The following BTG4 variants were observed in gnomAD, a reference collection of about 807,000 sequenced individuals.
BTG4 encodes protein BTG4.
Under a neutral mutation model 19.3 loss-of-function variants are expected in BTG4, and 10 were observed. That is an observed-to-expected ratio of 0.52 (90% CI 0.32 to 0.88). The LOEUF (loss-of-function observed/expected upper bound fraction) is 0.88, where lower values mean the gene tolerates loss of function less well. BTG4 is among the 40% of genes least tolerant of loss of function. The probability of loss-of-function intolerance (pLI) is 0.04; values close to 1 mark genes in which losing one functional copy is unlikely to be tolerated. For missense variants in BTG4, 238 were observed against 281.9 expected, an observed-to-expected ratio of 0.84 and a Z score of 1.11; for synonymous variants, 91 against 95.7, an observed-to-expected ratio of 0.95 and a Z score of 0.29.
intron 1 of BTG4, among the ~76,000 whole-genome samples, chr11:111,503,222 T>G (rs2135711194): frequency 6.6e-6 from 1 of 152,334 alleles, no homozygotes; most frequent in Non-Finnish European, 1.5e-5. Context: ...ACCAACAGAT[T>G]AATGTTATCA....
downstream of BTG4, among the ~76,000 whole-genome samples, chr11:111,492,300 G>GA (rs1188595534): frequency 6.6e-6 from 1 of 152,276 alleles, no homozygotes. Flanking sequence ...AAAGGTTCTT[G>GA]AAAAATCACT....
At chr11:111,473,527 A>G (rs1864207356) in intron 5 of BTG4, 2 of 152,254 alleles carry the variant, frequency 1.3e-5, no homozygotes, top group Non-Finnish European at 2.9e-5. Flanking sequence ...ACATGTCCAC[A>G]GAATAAAAGG....
chr11:111,432,528 C>T, the BTG4 span, among the ~76,000 whole-genome samples: 2 of 152,094 alleles, frequency 1.3e-5, no homozygotes, highest in Non-Finnish European at 2.9e-5. Flanking sequence ...CCTGTAATCC[C>T]AGCTACTTGG....
intron 5 of BTG4, among the ~76,000 whole-genome samples, chr11:111,479,767 T>A (rs1864619633): frequency 6.6e-6 from 1 of 152,092 alleles, no homozygotes; most frequent in African/African-American, 2.4e-5. Flanking sequence ...TTACTTGAAC[T>A]TATAAAATAA....
intron 5 of BTG4, among the ~76,000 whole-genome samples, chr11:111,478,775 A>G (rs889969747): frequency 6.6e-6 from 1 of 152,128 alleles, no homozygotes; most frequent in Non-Finnish European, 1.5e-5. Context: ...AGGAAAAATC[A>G]TCAATGTTTT....
the BTG4 span, among the ~76,000 whole-genome samples, chr11:111,412,287 C>T: frequency 6.6e-6 from 1 of 152,176 alleles, no homozygotes; most frequent in Non-Finnish European, 1.5e-5. Flanking sequence ...AGGACAAATT[C>T]TATTTCATTT....
the BTG4 span, among the ~76,000 whole-genome samples, chr11:111,398,807 A>G: frequency 6.6e-6 from 1 of 151,578 alleles, no homozygotes; most frequent in Non-Finnish European, 1.5e-5. Flanking sequence ...TTAACATTAT[A>G]GAGTTTGAAT....
chr11:111,506,720 C>G (rs1866478502), intron 1 of BTG4, among the ~76,000 whole-genome samples: 1 of 152,040 alleles, frequency 6.6e-6, no homozygotes, highest in Non-Finnish European at 1.5e-5. Flanking sequence ...TATCAGCACT[C>G]TATACCATTA....
chr11:111,399,958 G>A, the BTG4 span, among the ~76,000 whole-genome samples: 2,039 of 152,252 alleles, frequency 0.013, 37 homozygotes, highest in African/African-American at 0.045. Flanking sequence ...CTGGATAGAG[G>A]CCTTATTCCT....
chr11:111,403,467 C>T, the BTG4 span, among the ~76,000 whole-genome samples: 1 of 152,150 alleles, frequency 6.6e-6, no homozygotes, highest in Non-Finnish European at 1.5e-5. Flanking sequence ...GGGAGAAAAC[C>T]CAGTGAAGCA....
intron 5 of BTG4, among the ~76,000 whole-genome samples, chr11:111,477,239 G>A (rs994534555): frequency 1.3e-5 from 2 of 152,068 alleles, no homozygotes; most frequent in African/African-American, 4.8e-5. Context: ...CAGGGATCAT[G>A]TTCTCCTTAC....
At chr11:111,488,952 C>A (rs933339869) in intron 5 of BTG4, among the ~76,000 whole-genome samples, 2 of 152,036 alleles carry the variant, frequency 1.3e-5, no homozygotes, top group East Asian at 3.8e-4. Context: ...TCAAGACCAG[C>A]TTGACCAACA....
At chr11:111,443,593 A>G in the BTG4 span, among the ~76,000 whole-genome samples, 8 of 152,054 alleles carry the variant, frequency 5.3e-5, no homozygotes, top group East Asian at 1.9e-4. Context: ...AAACAGAGGG[A>G]AAAAAAAGAG....
At chr11:111,435,815 G>A in the BTG4 span, among the ~76,000 whole-genome samples, 5 of 151,984 alleles carry the variant, frequency 3.3e-5, no homozygotes, top group Admixed American at 6.6e-5. Context: ...CACCCCACCC[G>A]CCCTAAGCCA....
intron 5 of BTG4, among the ~76,000 whole-genome samples, chr11:111,477,763 A>G (rs1247823953): frequency 2.0e-5 from 3 of 152,136 alleles, no homozygotes; most frequent in Admixed American, 6.6e-5. Flanking sequence ...AAAAGAGACC[A>G]CAAAAGCCTG....
the BTG4 span, chr11:111,454,207 A>G: frequency 2.3e-6 from 1 of 439,576 alleles, no homozygotes; most frequent in South Asian, 1.7e-5. Flanking sequence ...TTTCAGGAGG[A>G]TAATCCTTCT....
chr11:111,502,841 T>G (rs560594138), intron 1 of BTG4, among the ~76,000 whole-genome samples: 1 of 152,350 alleles, frequency 6.6e-6, no homozygotes, highest in African/African-American at 2.4e-5. Flanking sequence ...TTGAAAGTTA[T>G]GAATAGAACA....
At chr11:111,393,316 A>G in the BTG4 span, among the ~76,000 whole-genome samples, 1 of 152,166 alleles carries the variant, frequency 6.6e-6, no homozygotes, top group African/African-American at 2.4e-5. Context: ...GTCAGCTTGG[A>G]CAGATTAGAG....
the BTG4 span, among the ~76,000 whole-genome samples, chr11:111,401,862 G>GTGAA: frequency 5.2e-4 from 79 of 152,262 alleles, no homozygotes; most frequent in Admixed American, 1.5e-3. Context: ...TATGTGTTGA[G>GTGAA]TGAATGAATG....
Sources: allele counts gnomAD v4.1 joint callset (sites outside exome capture counted in the v4.1 genomes callset), GRCh38; gene constraint gnomAD v4.1.1; transcripts MANE v1.5; gene names NCBI Gene and HGNC (gene_info 2026-07-23, HGNC 2026-07-21).